PPM1D: variants seen among roughly 807,000 people sequenced by gnomAD.
The protein encoded by PPM1D is protein phosphatase 1D.
In PPM1D, 52 loss-of-function variants were observed where a neutral mutation model predicts 58.3. That is an observed-to-expected ratio of 0.89 (90% CI 0.71 to 1.12). The LOEUF (loss-of-function observed/expected upper bound fraction) is 1.12. Ranked by LOEUF, PPM1D falls within the 50% of genes most tolerant of loss-of-function variation. The pLI, the probability that PPM1D is intolerant of heterozygous loss-of-function variation, is 0.00. For missense variants in PPM1D, 564 were observed against 777.2 expected (o/e 0.73, Z 3.26); for synonymous variants, 278 against 285.1 (o/e 0.98, Z 0.25).
intron 2 of PPM1D, among the ~76,000 whole-genome samples, chr17:60,625,045 G>A (rs1357130502): frequency 1.3e-5 from 2 of 151,796 alleles, no homozygotes; most frequent in Non-Finnish European, 2.9e-5. Flanking sequence ...GGGAGGCTGA[G>A]GCAGGAGAAT....
chr17:60,629,220 G>A (rs759972117), intron 2 of PPM1D, among the ~76,000 whole-genome samples: 3 of 152,144 alleles, frequency 2.0e-5, no homozygotes, highest in East Asian at 1.9e-4. Context: ...ATTTCTATTC[G>A]GAAGCACAGG....
rs372799610 is a variant in PPM1D, at chr17:60,623,511, C to G, written c.473-10C>G. The G allele has an allele frequency of 1.4e-5, 23 of 1,597,154 alleles. No homozygotes were observed. Among genetic ancestry groups the G allele is most frequent in the Non-Finnish European group, 1.9e-5 (22 of 1,168,790 alleles). ...CTTGCAAGAGTGAAATATTTTATTT[C>G]TTATTACAGCGGAATGGCCAAAGAC... is the stretch of plus-strand genomic sequence containing the variant. On this transcript the variant is annotated splice_polypyrimidine_tract_variant and intron_variant, in intron 1 of 5. Transcript: ENST00000305921.
At position 60,664,916 on chromosome 17, in the gene PPM1D, C is replaced by T. The variant is rs1161136332; in HGVS notation, c.*1364C>T. 2 of 151,714 alleles carry T rather than the reference C, an allele frequency of 1.3e-5. No individual in the cohort carries two copies. Among genetic ancestry groups the T allele is most frequent in the South Asian group, 2.1e-4 (1 of 4,830 alleles). The allele number at this position is 151,714 out of a possible 1,614,324, so 9.4% of individuals were successfully genotyped here. A position where few individuals can be genotyped will look rare whatever the true frequency, so the allele number is the denominator to read the frequency against. On this transcript the variant is annotated 3_prime_UTR_variant, in exon 6 of 6. Coordinates refer to ENST00000305921, the MANE Select transcript of PPM1D (RefSeq NM_003620.4). The stretch of plus-strand genomic sequence containing the variant: ...TCCCGGGTTCAAGTGATTCTCCTGC[C>T]TCAATCTCTCTCCCCAGAAGCTGGG...
rs1470477551 is a variant in PPM1D, at chr17:60,665,969, C to G, written c.*2417C>G. The stretch of plus-strand genomic sequence containing the variant: ...AGCCTCTGAAAGTGTCATACCAATT[C>G]TGTATTTTGTTGGTCACACAGACCA... On this transcript the variant is annotated 3_prime_UTR_variant, in exon 6 of 6. Coordinates refer to ENST00000305921, the MANE Select transcript of PPM1D (RefSeq NM_003620.4). 9 of 152,180 alleles carry G rather than the reference C, an allele frequency of 5.9e-5. No individual in the cohort carries two copies. The highest frequency in any genetic ancestry group is 1.5e-5 in the Non-Finnish European group (1 of 68,022). 9.4% of individuals were successfully genotyped at this position (152,180 alleles called of 1,614,324 possible).
intron 3 of PPM1D, among the ~76,000 whole-genome samples, chr17:60,645,456 A>G (rs557991306): frequency 0.026 from 3,166 of 123,936 alleles, 94 homozygotes; most frequent in Admixed American, 0.072. Flanking sequence ...TAAAATATAT[A>G]TGTGTGTGTG....
At chr17:60,641,865 T>C (rs1237876256) in intron 3 of PPM1D, among the ~76,000 whole-genome samples, 1 of 152,204 alleles carries the variant, frequency 6.6e-6, no homozygotes, top group Non-Finnish European at 1.5e-5. Flanking sequence ...TCTTGTGGAC[T>C]GCTGGCTGCC....
chr17:60,600,910 G>A (rs2143608387), intron 1 of PPM1D, 24 bp downstream of exon 1: 1 of 1,612,524 alleles, frequency 6.2e-7, no homozygotes, highest in African/African-American at 1.3e-5. Flanking sequence ...CTTGTTTGGC[G>A]CCCGCCCCTT....
chr17:60,603,818 C>T (rs1207491159), intron 1 of PPM1D, among the ~76,000 whole-genome samples: 1 of 151,962 alleles, frequency 6.6e-6, no homozygotes, highest in Non-Finnish European at 1.5e-5. Context: ...CAATCTCTTG[C>T]GCTATTTGGT....
chr17:60,607,801 G>A (rs1369879592), intron 1 of PPM1D, among the ~76,000 whole-genome samples: 1 of 152,190 alleles, frequency 6.6e-6, no homozygotes, highest in East Asian at 1.9e-4. Context: ...CAGGGAATTG[G>A]CCACAGTATT....
intron 2 of PPM1D, among the ~76,000 whole-genome samples, chr17:60,629,022 G>A (rs1344913682): frequency 6.6e-6 from 1 of 152,176 alleles, no homozygotes; most frequent in Non-Finnish European, 1.5e-5. Flanking sequence ...TCATTACTGA[G>A]TAGCAGGGTG....
chr17:60,600,333 T>C lies in PPM1D; in HGVS notation c.-82T>C. 2.7e-6 allele frequency: 4 copies of C among 1,505,350 alleles called. No individual in the cohort carries two copies. The highest frequency in any genetic ancestry group is 3.5e-6 in the Non-Finnish European group (4 of 1,131,422). 93.2% of individuals were successfully genotyped at this position (1,505,350 alleles called of 1,614,324 possible). ...CGGCGTCGTCGAAGATAAACAATAG[T>C]TGGCCGGCGAGCGCCTAGTGTGTCT... On this transcript the variant is annotated 5_prime_UTR_variant, in exon 1 of 6. Coordinates refer to ENST00000305921, the MANE Select transcript of PPM1D (RefSeq NM_003620.4).
At chr17:60,634,537 C>T (rs2030987588) in intron 3 of PPM1D, among the ~76,000 whole-genome samples, 1 of 152,098 alleles carries the variant, frequency 6.6e-6, no homozygotes, top group Non-Finnish European at 1.5e-5. Context: ...CTTAATGTTA[C>T]CCTTGAAACT....
intron 3 of PPM1D, among the ~76,000 whole-genome samples, chr17:60,643,294 C>G (rs2031173543): frequency 1.3e-5 from 2 of 151,968 alleles, no homozygotes; most frequent in Admixed American, 6.6e-5. Context: ...GGTGAGAGAA[C>G]TGCTTGAGCC....
chr17:60,651,074 A>G (rs562535675), intron 4 of PPM1D, among the ~76,000 whole-genome samples: 15 of 152,334 alleles, frequency 9.8e-5, no homozygotes, highest in Middle Eastern at 3.4e-3. Context: ...TTAAGAGCAC[A>G]CAATATTAGG....
chr17:60,641,683 T>TA (rs1486757412), intron 3 of PPM1D, among the ~76,000 whole-genome samples: 7 of 152,224 alleles, frequency 4.6e-5, no homozygotes, highest in African/African-American at 1.7e-4. Context: ...CCACGATTCT[T>TA]ACAGTTTGAG....
intron 2 of PPM1D, among the ~76,000 whole-genome samples, chr17:60,631,338 G>A (rs920509551): frequency 1.4e-5 from 2 of 147,424 alleles, no homozygotes; most frequent in Non-Finnish European, 3.0e-5. Context: ...ATGAAAACTA[G>A]TTCTCAAAAG....
rs761773125 is a variant in PPM1D, at chr17:60,663,321, C to T, written c.1587C>T (p.Thr529=). 2.5e-6 allele frequency: 4 copies of T among 1,614,080 alleles called. No individual in the cohort carries two copies. The highest frequency in any genetic ancestry group is 3.4e-6 in the Non-Finnish European group (4 of 1,180,014). The change falls in exon 6 of 6, where the codon ACC becomes ACT. Residue 529 remains threonine, a synonymous_variant. Coordinates refer to ENST00000305921, the MANE Select transcript of PPM1D (RefSeq NM_003620.4). ...TGAAAGCCCAAGAAATTGAAAGAAC[C>T]CCTCCAACAAACTTTAAAAGGACAT... is the stretch of plus-strand genomic sequence containing the variant. ...GQMKAQEIER[T]PPTNFKRTLE...
chr17:60,643,400 G>A (rs762659307), intron 3 of PPM1D, among the ~76,000 whole-genome samples: 4 of 152,072 alleles, frequency 2.6e-5, no homozygotes, highest in Non-Finnish European at 4.4e-5. Flanking sequence ...AAACCTTTTT[G>A]GGGTTGGGAA....
chr17:60,658,049 A>G (rs926210251), intron 5 of PPM1D, among the ~76,000 whole-genome samples: 11 of 152,352 alleles, frequency 7.2e-5, no homozygotes, highest in African/African-American at 2.6e-4. Flanking sequence ...TTTCATTCAC[A>G]AAAGGTTTCT....
Sources: gnomAD v4.1 joint callset for allele counts (sites outside exome capture counted in the v4.1 genomes callset) on GRCh38, gnomAD v4.1.1 for gene constraint, MANE v1.5 for transcripts, NCBI Gene and HGNC (gene_info 2026-07-23, HGNC 2026-07-21) for gene names.